The following ASAH1 variants were observed in gnomAD, a reference collection of about 807,000 sequenced individuals.
ASAH1 encodes N-acylsphingosine amidohydrolase 1, also known as acid ceramidase.
ASAH1 carries 70 observed loss-of-function variants against 59.5 expected under a neutral mutation model. The ratio of observed to expected loss-of-function variants is 1.18; its 90% confidence interval spans 0.97 to 1.43. ASAH1 has a LOEUF of 1.43. Among genes scored for constraint, ASAH1 ranks in the 40% most tolerant of loss-of-function variants. The pLI, the probability that ASAH1 is intolerant of heterozygous loss-of-function variation, is 0.00. For missense variants in ASAH1, 660 were observed against 482.5 expected, an observed-to-expected ratio of 1.37 and a Z score of -3.45; for synonymous variants, 213 against 166.5, an observed-to-expected ratio of 1.28 and a Z score of -2.15.
chr8:18,057,598 T>A lies in ASAH1; in HGVS notation c.1124A>T (p.Asp375Val), dbSNP rs200054096. The A allele has an allele frequency of 3.1e-6, 5 of 1,603,960 alleles. No homozygotes were observed. Among genetic ancestry groups the A allele is most frequent in the Non-Finnish European group, 4.3e-6 (5 of 1,173,430 alleles). The change falls in exon 14 of 14, where the codon GAT (aspartate) becomes GTT (valine). Residue 375 changes from aspartate to valine, a missense_variant. Asp to Val is a radical substitution (Grantham distance 152). Coordinates refer to ENST00000637790, the MANE Select transcript of ASAH1 (RefSeq NM_177924.5). ...AGTTTCGAATTGACCTTTGGTAACA[T>A]CTATCAAGGTTGTGTATACGGTCAG... The part of the protein sequence containing the change: ...NKLTVYTTLI[D>V]VTKGQFETYL...
intron 1 of ASAH1, among the ~76,000 whole-genome samples, chr8:18,081,282 T>C (rs1800641840): frequency 6.6e-6 from 1 of 152,126 alleles, no homozygotes; most frequent in South Asian, 2.1e-4. Flanking sequence ...TTCTAGAACA[T>C]CTACTTCTCT....
At chr8:18,057,986 A>C (rs1377099044) in intron 13 of ASAH1, 1 of 160,004 alleles carries the variant, frequency 6.2e-6, no homozygotes, top group Non-Finnish European at 1.3e-5. Flanking sequence ...CTTGACGCAC[A>C]GCTGGCAGTC....
chr8:18,071,172 A>C, intron 3 of ASAH1, 128 bp downstream of exon 3: 2 of 395,860 alleles, frequency 5.1e-6, no homozygotes, highest in Admixed American at 4.8e-5. Flanking sequence ...GTGCCACTGC[A>C]TTCCAGCCTG....
At position 18,069,841 on chromosome 8, in the gene ASAH1, T is replaced by C. The variant is rs1381546549; in HGVS notation, c.254A>G (p.Asn85Ser). 12 of 1,591,958 alleles carry C rather than the reference T, an allele frequency of 7.5e-6. No homozygotes were observed. The South Asian group carries it at 1.1e-4, about 15-fold the overall frequency. The change falls in exon 4 of 14, where the codon AAT becomes AGT. Residue 85 changes from asparagine (N) to serine (S), a missense_variant. Asn to Ser is a conservative substitution (Grantham distance 46). Coordinates refer to ENST00000637790, the MANE Select transcript of ASAH1 (RefSeq NM_177924.5). ...VIVNSLKNMI[N>S]TFVPSGKIMQ... is the part of the protein sequence containing the mutation. ...AATTTTTCCACTTGGCACGAATGTA[T>C]TTATCATATTCTTCAGAGAATTCAC...
intron 1 of ASAH1, among the ~76,000 whole-genome samples, chr8:18,081,162 T>C (rs1017910414): frequency 2.0e-5 from 3 of 152,142 alleles, no homozygotes; most frequent in Non-Finnish European, 2.9e-5. Flanking sequence ...CTGGAACGGA[T>C]GCCACCATTC....
intron 2 of ASAH1, among the ~76,000 whole-genome samples, chr8:18,072,736 T>C (rs1220597549): frequency 6.6e-6 from 1 of 152,212 alleles, no homozygotes; most frequent in Non-Finnish European, 1.5e-5. Context: ...CAGTAAGTAA[T>C]TATTGTTCCC....
In ASAH1 at chr8:18,069,887, T is replaced by A; in HGVS notation, c.217-9A>T. On this transcript the variant is annotated splice_polypyrimidine_tract_variant and intron_variant, in intron 3 of 13. Coordinates refer to ENST00000637790, the MANE Select transcript of ASAH1 (RefSeq NM_177924.5). The stretch of plus-strand genomic sequence containing the variant: ...TTCACTATAACCTTTAGCTGAAAAA[T>A]AAATAAAATGCTTACTAAAAGACAT... The A allele has an allele frequency of 6.5e-7, 1 of 1,544,262 alleles. No individual in the cohort carries two copies. The highest frequency in any genetic ancestry group is 1.1e-5 in the South Asian group (1 of 89,594).
rs188079430 is a variant in ASAH1, at chr8:18,056,245, T to C, written c.*1289A>G. On this transcript the variant is annotated 3_prime_UTR_variant, in exon 14 of 14. Coordinates refer to ENST00000637790, the MANE Select transcript of ASAH1 (RefSeq NM_177924.5). ...AAACTGCCTTTAAACACCTGCAAATTGGGTTGATAGTATCTGGTTAAGAGG... is the reference window on the plus strand; with the variant it reads ...AAACTGCCTTTAAACACCTGCAAATCGGGTTGATAGTATCTGGTTAAGAGG... 1 of 152,296 alleles carries C rather than the reference T, an allele frequency of 6.6e-6. No individual in the cohort carries two copies. The highest frequency in any genetic ancestry group is 1.5e-5 in the Non-Finnish European group (1 of 68,024). The allele number at this position is 152,296 out of a possible 1,614,324, so 9.4% of individuals were successfully genotyped here. A position where few individuals can be genotyped will look rare whatever the true frequency, so the allele number is the denominator to read the frequency against.
In ASAH1 at chr8:18,056,806, GTTT is replaced by G. The variant is rs745589688; in HGVS notation, c.*725_*727del. 6 of 145,748 alleles carry G rather than the reference GTTT, an allele frequency of 4.1e-5. No homozygotes were observed. Among genetic ancestry groups the G allele is most frequent in the Non-Finnish European group, 8.8e-5 (6 of 67,860 alleles). 9.0% of individuals were successfully genotyped at this position (145,748 alleles called of 1,614,324 possible). Reference sequence around the variant, plus strand: ...CTAAATTAACAGAACGTGGGATGCAGTTTTTTAAGTTAGCAACTTCCTTAGGGT... The same window carrying G: ...CTAAATTAACAGAACGTGGGATGCAGTTTAAGTTAGCAACTTCCTTAGGGT... On this transcript the variant is annotated 3_prime_UTR_variant, in exon 14 of 14. Coordinates refer to ENST00000637790, the MANE Select transcript of ASAH1 (RefSeq NM_177924.5).
intron 8 of ASAH1, 128 bp downstream of exon 8, chr8:18,062,151 G>C: frequency 7.9e-7 from 1 of 1,265,814 alleles, no homozygotes; most frequent in Non-Finnish European, 1.1e-6. Flanking sequence ...GAAGTGACAA[G>C]AAGTACAAGG....
At chr8:18,084,606 A>G, upstream of ASAH1, 3 of 1,602,420 alleles carry the variant, frequency 1.9e-6, no homozygotes, top group Non-Finnish European at 2.6e-6. Flanking sequence ...AGGGACAAGG[A>G]GCAGTTGAGT....
intron 2 of ASAH1, among the ~76,000 whole-genome samples, chr8:18,075,125 A>G (rs1355913204): frequency 6.6e-6 from 1 of 151,006 alleles, no homozygotes; most frequent in African/African-American, 2.4e-5. Context: ...CCTCCAGAGT[A>G]GCTGGGACTA....
At chr8:18,067,101 G>T in intron 5 of ASAH1, 119 bp downstream of exon 5, 6 of 874,352 alleles carry the variant, frequency 6.9e-6, no homozygotes, top group Non-Finnish European at 9.8e-6. Context: ...TAAGACCTGT[G>T]CACCTGTGCT....
chr8:18,063,253 G>T, intron 6 of ASAH1, 23 bp from the exon 7 acceptor site: 1 of 1,590,482 alleles, frequency 6.3e-7, no homozygotes, highest in Non-Finnish European at 8.6e-7. Flanking sequence ...AGACAGAAGA[G>T]ACGTGTAATA....
chr8:18,059,215 G>T, intron 12 of ASAH1, 126 bp downstream of exon 12: 1 of 1,448,084 alleles, frequency 6.9e-7, no homozygotes, highest in Non-Finnish European at 9.5e-7. Flanking sequence ...AATCAGTGGA[G>T]AGTGGCTAGA....
chr8:18,056,735 A>T lies in ASAH1; in HGVS notation c.*799T>A, dbSNP rs1799484820. The T allele has an allele frequency of 6.6e-6, 1 of 152,234 alleles. No homozygotes were observed. The highest frequency in any genetic ancestry group is 1.5e-5 in the Non-Finnish European group (1 of 68,044). 9.4% of individuals were successfully genotyped at this position (152,234 alleles called of 1,614,324 possible). A position where few individuals can be genotyped will look rare whatever the true frequency, so the allele number is the denominator to read the frequency against. On this transcript the variant is annotated 3_prime_UTR_variant, in exon 14 of 14. Transcript: ENST00000637790. The stretch of plus-strand genomic sequence containing the variant: ...AATGCTACTTATGAGAATTTAAAAT[A>T]TGGGTTCACTTCCTATTTTCCACAA...
At chr8:18,074,750 C>A (rs1300550865) in intron 2 of ASAH1, among the ~76,000 whole-genome samples, 1 of 152,220 alleles carries the variant, frequency 6.6e-6, no homozygotes, top group African/African-American at 2.4e-5. Flanking sequence ...CACACTGAAT[C>A]ATGACATTGG....
At chr8:18,064,433 C>A (rs1388283142) in intron 6 of ASAH1, 24 bp downstream of exon 6, 1 of 1,311,360 alleles carries the variant, frequency 7.6e-7, no homozygotes, top group Non-Finnish European at 1.1e-6. Flanking sequence ...TCATGCTGCC[C>A]ACCCTCCCTC....
At position 18,064,499 on chromosome 8, in the gene ASAH1, A is replaced by C; in HGVS notation, c.415T>G (p.Leu139Val). ...EIISFNIFYE[L>V]FTICTSIVAE... ...ACTATTGAAGTACAAATGGTAAATAATTCATAAAAAATATTGAATGAAATA... is the reference window on the plus strand; with the variant it reads ...ACTATTGAAGTACAAATGGTAAATACTTCATAAAAAATATTGAATGAAATA... The change falls in exon 6 of 14, where the codon TTA becomes GTA. Residue 139 changes from leucine to valine, a missense_variant. By Grantham distance (32) the Leu-to-Val change is conservative. Coordinates refer to ENST00000637790, the MANE Select transcript of ASAH1 (RefSeq NM_177924.5). 1.9e-6 allele frequency: 3 copies of C among 1,574,896 alleles called. No homozygotes were observed. Among genetic ancestry groups the C allele is most frequent in the Non-Finnish European group, 2.6e-6 (3 of 1,147,574 alleles).
Sources: gnomAD v4.1 joint callset for allele counts (sites outside exome capture counted in the v4.1 genomes callset) on GRCh38, gnomAD v4.1.1 for gene constraint, MANE v1.5 for transcripts, NCBI Gene and HGNC (gene_info 2026-07-23, HGNC 2026-07-21) for gene names.